The following DAB1 variants were observed in gnomAD, a reference collection of about 807,000 sequenced individuals.
The protein encoded by DAB1 is disabled homolog 1.
Under a neutral mutation model 64.6 loss-of-function variants are expected in DAB1, and 15 were observed. The ratio of observed to expected loss-of-function variants is 0.23; its 90% CI spans 0.16 to 0.36. The LOEUF (loss-of-function observed/expected upper bound fraction) is 0.36. Among genes scored for constraint, DAB1 ranks in the 10% least tolerant of loss-of-function variants. The pLI, the probability that DAB1 is intolerant of heterozygous loss-of-function variation, is 1.00. For missense variants in DAB1, 596 were observed against 706.7 expected, an observed-to-expected ratio of 0.84 and a Z score of 1.78; for synonymous variants, 235 against 251.9, an observed-to-expected ratio of 0.93 and a Z score of 0.64.
chr1:58,396,255 C>T (rs577819993), intron 3 of DAB1, among the ~76,000 whole-genome samples: 1 of 152,184 alleles, frequency 6.6e-6, no homozygotes, highest in Non-Finnish European at 1.5e-5. Context: ...CCCAGGGGCT[C>T]CAGTCAGAGG....
chr1:57,379,598 T>C (rs1371027557), intron 1 of DAB1, among the ~76,000 whole-genome samples: 2 of 152,142 alleles, frequency 1.3e-5, no homozygotes, highest in East Asian at 3.9e-4. Context: ...TGCCTAAGGT[T>C]GGAACCTGCC....
rs1669872927 is a variant in DAB1, at chr1:57,257,704, G to A, written c.67+33260C>T. On this transcript the variant is annotated intron_variant, in intron 2 of 14. Coordinates refer to ENST00000371236, the MANE Select transcript of DAB1 (RefSeq NM_001365792.1). ...AGGAGTCTTAAATCAGTTTCACTGG[G>A]CTGACGTTAAGTTATCATGAGGGCC... Among the ~76,000 whole-genome samples the A allele has an allele frequency of 2.6e-5, 4 of 152,138 alleles. No individual in the cohort carries two copies. In the South Asian group the frequency reaches 8.3e-4, roughly 32 times the overall value.
chr1:57,905,837 G>C (rs1444646172), intron 5 of DAB1, among the ~76,000 whole-genome samples: 1 of 152,194 alleles, frequency 6.6e-6, no homozygotes, highest in Admixed American at 6.5e-5. Context: ...TGTGGTATTA[G>C]AGAGGTCAAA....
In DAB1 at chr1:58,267,470, C is replaced by T. The variant is rs139333497; in HGVS notation, n.309+75882G>A. 1.2e-3 allele frequency among the ~76,000 whole-genome samples: 185 copies of T among 152,218 alleles called. 1 individual carries two copies. The highest frequency in any genetic ancestry group is 4.2e-3 in the African/African-American group (174 of 41,520). ...CAGTTTATATCATTCTTATAGTTCA[C>T]GACCAATGGAAGACAGCATCTTTCA... On this transcript the variant is annotated intron_variant and non_coding_transcript_variant, in intron 4 of 20. Coordinates refer to the DAB1 transcript ENST00000485760.
intron 5 of DAB1, among the ~76,000 whole-genome samples, chr1:58,001,201 C>CT (rs1646501785): frequency 6.6e-6 from 1 of 151,994 alleles, no homozygotes; most frequent in African/African-American, 2.4e-5. Context: ...CTCCTCCCTA[C>CT]TTTTTTTCTG....
chr1:57,438,150 G>C (rs1558379672), intron 7 of DAB1, among the ~76,000 whole-genome samples: 1 of 152,038 alleles, frequency 6.6e-6, no homozygotes, highest in Admixed American at 6.5e-5. Context: ...TGAGGCACAA[G>C]CCCTTTAGTT....
intron 6 of DAB1, among the ~76,000 whole-genome samples, chr1:57,700,531 A>G (rs1156951432): frequency 6.6e-6 from 1 of 152,082 alleles, no homozygotes; most frequent in Non-Finnish European, 1.5e-5. Flanking sequence ...CCTGGCCTAT[A>G]TGGTTTCCTC....
chr1:57,093,145 G>C (rs1269394120), intron 4 of DAB1, among the ~76,000 whole-genome samples: 1 of 152,182 alleles, frequency 6.6e-6, no homozygotes, highest in African/African-American at 2.4e-5. Flanking sequence ...TCTGCAAAAG[G>C]TCAGGATGAC....
intron 1 of DAB1, among the ~76,000 whole-genome samples, chr1:57,323,868 T>C (rs1675931346): frequency 6.6e-6 from 1 of 152,028 alleles, no homozygotes; most frequent in Non-Finnish European, 1.5e-5. Context: ...AGAGGAATGT[T>C]TCCGAGAGTG....
At chr1:58,128,378 C>G (rs1223937186) in intron 5 of DAB1, among the ~76,000 whole-genome samples, 1 of 144,284 alleles carries the variant, frequency 6.9e-6, no homozygotes, top group African/African-American at 2.6e-5. Context: ...ATGGGGTTTT[C>G]TAGATATACA....
chr1:57,658,306 C>CTTTTTTTTT (rs1165560066), intron 6 of DAB1, among the ~76,000 whole-genome samples: 1 of 131,232 alleles, frequency 7.6e-6, no homozygotes, highest in Non-Finnish European at 1.6e-5. Context: ...CAATTTTGTT[C>CTTTTTTTTT]TTTTTTTTTT....
At chr1:57,556,995 G>A (rs1441393136) in intron 7 of DAB1, among the ~76,000 whole-genome samples, 1 of 152,096 alleles carries the variant, frequency 6.6e-6, no homozygotes, top group Non-Finnish European at 1.5e-5. Context: ...TCCCAGCACT[G>A]TTTGTTGAAT....
intron 7 of DAB1, among the ~76,000 whole-genome samples, chr1:57,505,724 G>A (rs963345437): frequency 2.6e-5 from 4 of 152,168 alleles, no homozygotes; most frequent in African/African-American, 9.7e-5. Context: ...AGGCTGGAGT[G>A]CAGTGGCTCA....
intron 7 of DAB1, among the ~76,000 whole-genome samples, chr1:57,648,200 C>T (rs111248521): frequency 2.2e-4 from 33 of 152,252 alleles, no homozygotes; most frequent in Admixed American, 8.5e-4. Context: ...CTCTCTATTG[C>T]GGCAAATTAC....
In DAB1 at chr1:57,329,907, T is replaced by C. The variant is rs143143963; in HGVS notation, c.-136-38741A>G. Among the ~76,000 whole-genome samples, 1,342 of 152,300 alleles carry C rather than the reference T, an allele frequency of 8.8e-3. 18 individuals carry two copies. The highest frequency in any genetic ancestry group is 0.03 in the African/African-American group (1,253 of 41,562). On this transcript the variant is annotated intron_variant, in intron 1 of 14. Transcript: ENST00000371236. Reference sequence around the variant, plus strand: ...TTAAGCTAAAGTATAACATATGATATTCATTAACCCATCAAGAAATATTGC... The same window carrying C: ...TTAAGCTAAAGTATAACATATGATACTCATTAACCCATCAAGAAATATTGC...
chr1:57,519,573 C>A (rs745469093), intron 7 of DAB1, among the ~76,000 whole-genome samples: 2 of 152,048 alleles, frequency 1.3e-5, no homozygotes, highest in Non-Finnish European at 2.9e-5. Context: ...CATCAAAGCC[C>A]CTAGATGCAG....
chr1:57,480,360 T>C (rs948471861), intron 7 of DAB1, among the ~76,000 whole-genome samples: 7 of 152,172 alleles, frequency 4.6e-5, no homozygotes, highest in African/African-American at 1.7e-4. Flanking sequence ...AGATATATTT[T>C]AGTCATCTTT....
At chr1:57,737,605 T>A (rs1186429981) in intron 6 of DAB1, among the ~76,000 whole-genome samples, 1 of 152,206 alleles carries the variant, frequency 6.6e-6, no homozygotes, top group African/African-American at 2.4e-5. Context: ...CTTCATGGGA[T>A]ACAATAGTGA....
At chr1:58,389,628 G>A (rs528521684) in intron 3 of DAB1, among the ~76,000 whole-genome samples, 2 of 152,230 alleles carry the variant, frequency 1.3e-5, no homozygotes, top group African/African-American at 4.8e-5. Flanking sequence ...TCTCCTCATT[G>A]GGTCCATTTC....
Sources: gnomAD v4.1 joint callset for allele counts (sites outside exome capture counted in the v4.1 genomes callset) on GRCh38, gnomAD v4.1.1 for gene constraint, MANE v1.5 for transcripts, NCBI Gene and HGNC (gene_info 2026-07-23, HGNC 2026-07-21) for gene names.